Variants in WDR27 observed in about 807,000 individuals in gnomAD.
The protein encoded by WDR27 is WD repeat domain 27, also known as WD repeat-containing protein 27.
WDR27 carries 100 observed loss-of-function variants against 114.4 expected under a neutral mutation model. The ratio of observed to expected loss-of-function variants is 0.87; its 90% CI spans 0.74 to 1.03. WDR27 has a LOEUF of 1.03. Among genes scored for constraint, WDR27 ranks in the 50% least tolerant of loss-of-function variants. WDR27 has a pLI of 0.00. For synonymous variants in WDR27, 449 were observed against 423.1 expected (o/e 1.06, Z -0.75); for missense variants, 1,129 against 1,092.9 (o/e 1.03, Z -0.47).
chr6:169,612,419 C>T (rs1370523998), intron 22 of WDR27, among the ~76,000 whole-genome samples: 3 of 152,078 alleles, frequency 2.0e-5, no homozygotes, highest in African/African-American at 7.2e-5. Flanking sequence ...CAGAGCGAGA[C>T]TCCGTCTCAA....
chr6:169,581,849 T>C (rs1562625660), intron 24 of WDR27, among the ~76,000 whole-genome samples: 1 of 152,238 alleles, frequency 6.6e-6, no homozygotes, highest in Non-Finnish European at 1.5e-5. Flanking sequence ...CCGTTCCACC[T>C]GGTCACACGC....
intron 25 of WDR27, among the ~76,000 whole-genome samples, chr6:169,495,532 A>AG (rs1554272437): frequency 6.6e-6 from 1 of 151,364 alleles, no homozygotes; most frequent in African/African-American, 2.4e-5. Context: ...ATAAAAAAAA[A>AG]CCTGACAAAG....
intron 13 of WDR27, chr6:169,657,937 G>A: frequency 4.7e-6 from 1 of 211,440 alleles, no homozygotes; most frequent in East Asian, 9.1e-5. Flanking sequence ...TTCCTCAGCA[G>A]AGAAAAAAGG....
chr6:169,601,629 AC>A (rs1808001926), intron 23 of WDR27, among the ~76,000 whole-genome samples: 1 of 152,200 alleles, frequency 6.6e-6, no homozygotes, highest in Non-Finnish European at 1.5e-5. Flanking sequence ...CTGCAAGGCC[AC>A]CCATGAGTAT....
chr6:169,501,270 C>G (rs554913682), intron 25 of WDR27, among the ~76,000 whole-genome samples: 2 of 152,326 alleles, frequency 1.3e-5, no homozygotes, highest in South Asian at 4.1e-4. Flanking sequence ...GAGCCCAGAC[C>G]AGCCAGTGTC....
At chr6:169,578,861 G>A (rs1238501433) in intron 24 of WDR27, among the ~76,000 whole-genome samples, 2 of 152,238 alleles carry the variant, frequency 1.3e-5, no homozygotes, top group African/African-American at 2.4e-5. Flanking sequence ...GACTCAGGGA[G>A]ATCAAGATGT....
At chr6:169,553,058 C>CTGTGTGTG (rs3033612) in intron 25 of WDR27, among the ~76,000 whole-genome samples, 2,357 of 30,130 alleles carry the variant, frequency 0.078, 718 homozygotes, top group Non-Finnish European at 0.11. Flanking sequence ...CCTGGAGGGC[C>CTGTGTGTG]TGTGTGTGTG....
chr6:169,677,991 C>A (rs1239358137), intron 2 of WDR27, among the ~76,000 whole-genome samples: 2 of 152,242 alleles, frequency 1.3e-5, no homozygotes, highest in Admixed American at 1.3e-4. Flanking sequence ...AAGGCAGAAG[C>A]CTGCTGCAGG....
chr6:169,461,255 C>T (rs1784873552), intron 25 of WDR27, among the ~76,000 whole-genome samples: 1 of 152,072 alleles, frequency 6.6e-6, no homozygotes, highest in Non-Finnish European at 1.5e-5. Flanking sequence ...AGAATTTACA[C>T]AACATGATAA....
At chr6:169,520,360 T>C (rs1023242960) in intron 25 of WDR27, among the ~76,000 whole-genome samples, 9 of 152,210 alleles carry the variant, frequency 5.9e-5, no homozygotes, top group Non-Finnish European at 1.3e-4. Context: ...ACATAGCAGA[T>C]TGTTTTTAAC....
At chr6:169,637,587 G>A (rs1817941906) in intron 18 of WDR27, among the ~76,000 whole-genome samples, 2 of 152,204 alleles carry the variant, frequency 1.3e-5, no homozygotes, top group South Asian at 4.1e-4. Context: ...GCGTGCATAT[G>A]TGTATGCATC....
rs1483760151 is a variant in WDR27, at chr6:169,542,823, G to A, written c.2645+29596C>T. Among the ~76,000 whole-genome samples the A allele has an allele frequency of 1.2e-4, 18 of 152,072 alleles. No individual in the cohort carries two copies. The East Asian group carries it at 3.5e-3, about 29-fold the overall frequency. ...AATAAAAATATTATGCAAGCCATAT[G>A]TATAATCTTAAATTTTCCAGTAGCC... is the stretch of plus-strand genomic sequence containing the variant. On this transcript the variant is annotated intron_variant, in intron 25 of 25. Transcript: ENST00000448612.
intron 1 of WDR27, among the ~76,000 whole-genome samples, chr6:169,697,361 T>A (rs1039071013): frequency 3.3e-5 from 5 of 152,102 alleles, no homozygotes; most frequent in African/African-American, 1.2e-4. Context: ...CTTTGCCAGG[T>A]GGACCGAGGT....
chr6:169,502,101 C>T (rs966306443), intron 25 of WDR27, among the ~76,000 whole-genome samples: 5 of 152,158 alleles, frequency 3.3e-5, no homozygotes, highest in African/African-American at 9.7e-5. Flanking sequence ...CCCGGGGCTG[C>T]GGGATGCTGG....
intron 25 of WDR27, among the ~76,000 whole-genome samples, chr6:169,479,948 C>A (rs1787727183): frequency 6.6e-6 from 1 of 152,240 alleles, no homozygotes; most frequent in Non-Finnish European, 1.5e-5. Context: ...ACTTGAGGAG[C>A]CCTTCAGCCA....
At chr6:169,482,368 C>A (rs1288941763) in intron 25 of WDR27, among the ~76,000 whole-genome samples, 1 of 152,190 alleles carries the variant, frequency 6.6e-6, no homozygotes, top group Non-Finnish European at 1.5e-5. Context: ...TTTGAGGAAT[C>A]ACCACACTGT....
At chr6:169,665,623 C>A in intron 6 of WDR27, 67 bp from the exon 7 acceptor site, 2 of 1,434,850 alleles carry the variant, frequency 1.4e-6, no homozygotes, top group South Asian at 1.2e-5. Context: ...CGAGAACTGT[C>A]AGTTTTACTT....
intron 25 of WDR27, among the ~76,000 whole-genome samples, chr6:169,571,979 A>G (rs1477006612): frequency 2.6e-5 from 4 of 152,254 alleles, no homozygotes; most frequent in Non-Finnish European, 5.9e-5. Context: ...GGAATTAAAA[A>G]TTATTATAAT....
chr6:169,463,290 C>T (rs1019688568), intron 25 of WDR27, among the ~76,000 whole-genome samples: 16 of 152,204 alleles, frequency 1.1e-4, no homozygotes, highest in African/African-American at 3.4e-4. Flanking sequence ...CTCACCCATA[C>T]GGATGAAGCT....
Sources: gnomAD v4.1 joint callset for allele counts (sites outside exome capture counted in the v4.1 genomes callset) on GRCh38, gnomAD v4.1.1 for gene constraint, MANE v1.5 for transcripts, NCBI Gene and HGNC (gene_info 2026-07-23, HGNC 2026-07-21) for gene names.